Variants in LRP1B observed in about 807,000 individuals in gnomAD.
LRP1B encodes low-density lipoprotein receptor-related protein 1B.
A neutral mutation model predicts 556.6 loss-of-function variants in LRP1B; 217 were observed. That is an observed-to-expected ratio of 0.39 (90% CI 0.35 to 0.44). The LOEUF (loss-of-function observed/expected upper bound fraction) is 0.44. LRP1B is among the 20% of genes least tolerant of loss of function. LRP1B has a pLI of 1.00. For synonymous variants in LRP1B, 2,047 were observed against 1,865.8 expected (o/e 1.10, Z -2.50); for missense variants, 5,053 against 5,620.8 (o/e 0.90, Z 3.23).
At chr2:141,033,422 G>A (rs1698437026) in intron 11 of LRP1B, among the ~76,000 whole-genome samples, 1 of 151,996 alleles carries the variant, frequency 6.6e-6, no homozygotes, top group African/African-American at 2.4e-5. Context: ...AGGCTGTTGT[G>A]CTGAGAATAA....
intron 2 of LRP1B, among the ~76,000 whole-genome samples, chr2:141,584,306 G>T (rs1687055602): frequency 6.6e-6 from 1 of 152,098 alleles, no homozygotes; most frequent in Admixed American, 6.6e-5. Flanking sequence ...AGCTGAGATG[G>T]AATGGTCAAG....
intron 6 of LRP1B, among the ~76,000 whole-genome samples, chr2:141,216,489 G>C (rs1682819840): frequency 1.3e-5 from 2 of 152,200 alleles, no homozygotes; most frequent in East Asian, 1.9e-4. Context: ...AGAGTTCCCA[G>C]TGGGGCATTA....
Position 141,544,619 on chromosome 2 carries a change from C to A in LRP1B, c.206-64086G>T, listed in dbSNP as rs148250627. Reference sequence around the variant, plus strand: ...TCTTATAAACACAGACTTCTCCACACACTTTCACCTTCCTGTGGGATCCAG... The same window carrying A: ...TCTTATAAACACAGACTTCTCCACAAACTTTCACCTTCCTGTGGGATCCAG... On this transcript the variant is annotated intron_variant, in intron 2 of 90. Coordinates refer to ENST00000389484, the MANE Select transcript of LRP1B (RefSeq NM_018557.3). Among the ~76,000 whole-genome samples the A allele has an allele frequency of 5.3e-5, 8 of 151,772 alleles. No individual in the cohort carries two copies. In the East Asian group the frequency reaches 1.6e-3, roughly 30 times the overall value.
intron 2 of LRP1B, among the ~76,000 whole-genome samples, chr2:141,703,690 C>A (rs1307466662): frequency 1.3e-5 from 2 of 151,974 alleles, no homozygotes; most frequent in Non-Finnish European, 2.9e-5. Flanking sequence ...CAACTAGAGT[C>A]ATTTAATCCC....
At chr2:140,325,048 G>A (rs1205365445) in intron 80 of LRP1B, among the ~76,000 whole-genome samples, 1 of 152,012 alleles carries the variant, frequency 6.6e-6, no homozygotes, top group East Asian at 1.9e-4. Context: ...AAAATTTAAA[G>A]TGGATATGAT....
chr2:140,328,918 T>A (rs1226430578), intron 79 of LRP1B, among the ~76,000 whole-genome samples: 1 of 152,054 alleles, frequency 6.6e-6, no homozygotes, highest in Non-Finnish European at 1.5e-5. Context: ...ACTAGAGACA[T>A]TATGTTGGCC....
At chr2:141,308,904 CTT>C in intron 3 of LRP1B, among the ~76,000 whole-genome samples, 1 of 151,888 alleles carries the variant, frequency 6.6e-6, no homozygotes, top group Non-Finnish European at 1.5e-5. Flanking sequence ...TTGCAAGAAA[CTT>C]TCACATCTCA....
At chr2:141,933,250 A>G (rs1700551923) in intron 1 of LRP1B, among the ~76,000 whole-genome samples, 1 of 152,082 alleles carries the variant, frequency 6.6e-6, no homozygotes, top group South Asian at 2.1e-4. Context: ...AAATTGTTGC[A>G]AAGAGATTAA....
chr2:140,482,954 T>C (rs1278263214), intron 59 of LRP1B, among the ~76,000 whole-genome samples: 1 of 152,170 alleles, frequency 6.6e-6, no homozygotes, highest in African/African-American at 2.4e-5. Flanking sequence ...TAAGTTTTCA[T>C]TTTTTGAAGC....
chr2:140,916,310 T>A (rs1694578430), intron 21 of LRP1B, among the ~76,000 whole-genome samples: 1 of 152,196 alleles, frequency 6.6e-6, no homozygotes, highest in Non-Finnish European at 1.5e-5. Flanking sequence ...TAATCCAGAT[T>A]GGTTTTCCAC....
At chr2:140,435,562 T>C (rs1005207083) in intron 66 of LRP1B, among the ~76,000 whole-genome samples, 14 of 152,046 alleles carry the variant, frequency 9.2e-5, no homozygotes, top group Non-Finnish European at 1.6e-4. Flanking sequence ...TACCTATCAA[T>C]CCAGAGTCTA....
chr2:141,041,706 C>T (rs780712012), intron 11 of LRP1B, among the ~76,000 whole-genome samples: 10 of 151,964 alleles, frequency 6.6e-5, no homozygotes, highest in South Asian at 4.1e-4. Context: ...ATTTGGTGTA[C>T]GTTTTCAAAA....
intron 87 of LRP1B, among the ~76,000 whole-genome samples, chr2:140,245,835 T>C (rs991400397): frequency 1.3e-5 from 2 of 151,414 alleles, no homozygotes; most frequent in African/African-American, 2.4e-5. Context: ...TACAATTATA[T>C]GCTCATAGCT....
At chr2:140,683,133 C>T (rs6706855) in intron 41 of LRP1B, among the ~76,000 whole-genome samples, 139,226 of 152,152 alleles carry the variant, frequency 0.92, 63,899 homozygotes, top group Middle Eastern at 0.98. Flanking sequence ...TTTTCTTTCT[C>T]CTTTTTTTTA....
chr2:140,288,523 G>A (rs1439367435), intron 84 of LRP1B, among the ~76,000 whole-genome samples: 2 of 151,732 alleles, frequency 1.3e-5, no homozygotes, highest in Admixed American at 6.6e-5. Flanking sequence ...GTTAGCAGAC[G>A]CATTTAACTA....
intron 1 of LRP1B, among the ~76,000 whole-genome samples, chr2:141,991,747 C>T (rs1240553560): frequency 6.6e-6 from 1 of 152,054 alleles, no homozygotes; most frequent in African/African-American, 2.4e-5. Flanking sequence ...GGCTGATTGA[C>T]TGCAAAGCCT....
chr2:141,953,498 TAGATAATTATCA>T lies in LRP1B; in HGVS notation c.83-143109_83-143098del, dbSNP rs1247769725. ...ACTAAATAACAAACACCCCTTTTTA[TAGATAATTATCA>T]GAGTCTAAAGTTCTATATTTTAATT... is the stretch of plus-strand genomic sequence containing the variant. On this transcript the variant is annotated intron_variant, in intron 1 of 90. Transcript: ENST00000389484. Among the ~76,000 whole-genome samples, 3 of 152,078 alleles carry T rather than the reference TAGATAATTATCA, an allele frequency of 2.0e-5. No individual in the cohort carries two copies. The East Asian group carries it at 5.8e-4, about 29-fold the overall frequency.
intron 79 of LRP1B, among the ~76,000 whole-genome samples, chr2:140,331,854 C>T (rs1008958754): frequency 7.2e-5 from 11 of 151,766 alleles, no homozygotes; most frequent in African/African-American, 2.2e-4. Flanking sequence ...TACCACCATG[C>T]CTGGCTTATT....
intron 2 of LRP1B, among the ~76,000 whole-genome samples, chr2:141,631,059 T>G (rs986206352): frequency 7.2e-5 from 11 of 152,162 alleles, no homozygotes; most frequent in Non-Finnish European, 1.6e-4. Flanking sequence ...GAGGTTTAAT[T>G]GACTCACAGT....
Sources: gnomAD v4.1 joint callset for allele counts (sites outside exome capture counted in the v4.1 genomes callset) on GRCh38, gnomAD v4.1.1 for gene constraint, MANE v1.5 for transcripts, NCBI Gene and HGNC (gene_info 2026-07-23, HGNC 2026-07-21) for gene names.